Variants in SEPTIN8 observed in about 807,000 individuals in gnomAD.
SEPTIN8 encodes the protein septin 8.
Under a neutral mutation model 53.1 loss-of-function variants are expected in SEPTIN8, and 22 were observed. That is an observed-to-expected ratio of 0.41 (90% CI 0.30 to 0.59). SEPTIN8 has a LOEUF of 0.59. SEPTIN8 is among the 20% of genes least tolerant of loss of function. The probability of loss-of-function intolerance (pLI) is 0.24; values close to 1 mark genes in which losing one functional copy is unlikely to be tolerated. For synonymous variants in SEPTIN8, 228 were observed against 248.4 expected, an observed-to-expected ratio of 0.92 and a Z score of 0.77; for missense variants, 536 against 638.7, an observed-to-expected ratio of 0.84 and a Z score of 1.73.
At chr5:132,766,818 C>G (rs998603513) in intron 1 of SEPTIN8, among the ~76,000 whole-genome samples, 1 of 152,168 alleles carries the variant, frequency 6.6e-6, no homozygotes, top group Admixed American at 6.5e-5. Context: ...AGCATCTCCT[C>G]AGCACCTGAG....
intron 9 of SEPTIN8, chr5:132,754,350 C>T: frequency 2.8e-6 from 2 of 713,960 alleles, no homozygotes; most frequent in South Asian, 3.0e-5. Flanking sequence ...CCCTCTGCCT[C>T]CTTCCTTCCA....
At chr5:132,764,477 C>T in intron 2 of SEPTIN8, 58 bp from the exon 3 acceptor site, 2 of 1,459,072 alleles carry the variant, frequency 1.4e-6, no homozygotes, top group Non-Finnish European at 1.9e-6. Context: ...AATGGGCTGT[C>T]CTTGACTGGT....
chr5:132,778,034 G>A (rs1757942564), upstream of SEPTIN8: 8 of 985,492 alleles, frequency 8.1e-6, no homozygotes, highest in South Asian at 4.7e-5. Context: ...GTGCGTGCAC[G>A]TTCTCTCCGC....
At position 132,776,741 on chromosome 5, in the gene SEPTIN8, A is replaced by G. The variant is rs30517; in HGVS notation, c.30+367T>C. On this transcript the variant is annotated intron_variant, in intron 1 of 9. Coordinates refer to ENST00000378719, the MANE Select transcript of SEPTIN8 (RefSeq NM_001098811.2). The surrounding 1 kb of genome is among the most constrained non-coding windows in gnomAD (Gnocchi z 4.4). ...CTAGGACTCTTCCCCAAGTGTGCAG[A>G]AAGAAACACCCTGGGCGATAGGGTC... Among the ~76,000 whole-genome samples, 55,218 of 152,080 alleles carry G rather than the reference A, an allele frequency of 0.36. 16,840 individuals are homozygous for G. Among genetic ancestry groups the G allele is most frequent in the African/African-American group, 0.8 (33,264 of 41,494 alleles).
intron 9 of SEPTIN8, among the ~76,000 whole-genome samples, chr5:132,755,359 C>A (rs1056143175): frequency 1.3e-5 from 2 of 152,182 alleles, no homozygotes; most frequent in South Asian, 4.1e-4. Flanking sequence ...CTCAGGTCCA[C>A]CAGCCCACAC....
In SEPTIN8 at chr5:132,763,711, T is replaced by G. The variant is rs1465545407; in HGVS notation, c.529A>C (p.Ser177Arg). 6.2e-7 allele frequency: 1 copy of G among 1,613,660 alleles called. No homozygotes were observed. The highest frequency in any genetic ancestry group is 8.5e-7 in the Non-Finnish European group (1 of 1,179,676). The change falls in exon 4 of 10, where the codon AGC becomes CGC. Residue 177 changes from serine to arginine, a missense_variant. Physicochemically the swap from Ser to Arg is moderately radical, Grantham distance 110. Coordinates refer to ENST00000378719, the MANE Select transcript of SEPTIN8 (RefSeq NM_001098811.2). ...LDLVTMKKLDSKVNIIPIIAK... is the reference protein window; with the variant it reads ...LDLVTMKKLDRKVNIIPIIAK... ...GCAGGTGGGGACAGGGATACCTTGC[T>G]GTCTAGTTTCTTCATGGTCACTAGA...
chr5:132,767,090 G>A (rs190160865), intron 1 of SEPTIN8, among the ~76,000 whole-genome samples: 5 of 152,044 alleles, frequency 3.3e-5, no homozygotes, highest in South Asian at 2.1e-4. Flanking sequence ...CTCTCTCAAC[G>A]GAGCCTCTTT....
chr5:132,757,632 C>T (rs1755466148), intron 9 of SEPTIN8: 1 of 985,262 alleles, frequency 1.0e-6, no homozygotes, highest in East Asian at 1.1e-4. Flanking sequence ...CACGGTGCTT[C>T]AACATTAAAA....
rs1757822540 is a variant in SEPTIN8, at chr5:132,776,629, A to C, written c.30+479T>G. ...AAGGGTCTTCAGGACTCAAGTCTGC[A>C]ACTGTCCTGGGCTCGTGTGGGAGAC... On this transcript the variant is annotated intron_variant, in intron 1 of 9. Coordinates refer to ENST00000378719, the MANE Select transcript of SEPTIN8 (RefSeq NM_001098811.2). The surrounding 1 kb of genome is among the most constrained non-coding windows in gnomAD (Gnocchi z 4.4). Among the ~76,000 whole-genome samples, 1 of 152,096 alleles carries C rather than the reference A, an allele frequency of 6.6e-6. No individual in the cohort carries two copies. The highest frequency in any genetic ancestry group is 1.5e-5 in the Non-Finnish European group (1 of 68,018).
intron 5 of SEPTIN8, among the ~76,000 whole-genome samples, 171 bp from the exon 6 acceptor site, chr5:132,762,067 A>G (rs939046100): frequency 6.6e-6 from 1 of 151,962 alleles, no homozygotes. Flanking sequence ...AACTCCAAAC[A>G]GGGGAGTGGG....
chr5:132,774,684 C>T (rs1757629176), intron 1 of SEPTIN8, among the ~76,000 whole-genome samples: 1 of 152,262 alleles, frequency 6.6e-6, no homozygotes, highest in South Asian at 2.1e-4. Context: ...CTCTGTATGC[C>T]GTCTAAGCTC....
intron 2 of SEPTIN8, among the ~76,000 whole-genome samples, chr5:132,764,908 G>T (rs896674918): frequency 6.6e-6 from 1 of 152,010 alleles, no homozygotes; most frequent in Non-Finnish European, 1.5e-5. Flanking sequence ...GCTGCTTCCC[G>T]AAGGACACCT....
chr5:132,764,454 G>A, intron 2 of SEPTIN8, 35 bp from the exon 3 acceptor site: 1 of 1,562,204 alleles, frequency 6.4e-7, no homozygotes, highest in Non-Finnish European at 8.7e-7. Flanking sequence ...AGAAGTGGGT[G>A]TCATAGGCTG....
In SEPTIN8 at chr5:132,776,430, C is replaced by T. The variant is rs572340667; in HGVS notation, c.30+678G>A. Reference sequence around the variant, plus strand: ...ACCAGGGACATCAACCTTCTGAGGACCTGGACTGGAGCCCAAATAAACGCC... The same window carrying T: ...ACCAGGGACATCAACCTTCTGAGGATCTGGACTGGAGCCCAAATAAACGCC... On this transcript the variant is annotated intron_variant, in intron 1 of 9. Transcript: ENST00000378719. The surrounding 1 kb of genome is among the most constrained non-coding windows in gnomAD (Gnocchi z 4.4). Among the ~76,000 whole-genome samples the T allele has an allele frequency of 1.8e-3, 273 of 152,364 alleles. 1 individual carries two copies. The highest frequency in any genetic ancestry group is 3.4e-3 in the Middle Eastern group (1 of 294).
upstream of SEPTIN8, chr5:132,778,136 T>C: frequency 1.1e-6 from 1 of 943,728 alleles, no homozygotes; most frequent in Non-Finnish European, 1.3e-6. Flanking sequence ...TGACAATCTA[T>C]ACAAAAGCAG....
chr5:132,764,079 G>C (rs1456673978), intron 3 of SEPTIN8, 145 bp downstream of exon 3: 2 of 963,532 alleles, frequency 2.1e-6, no homozygotes, highest in East Asian at 2.5e-5. Flanking sequence ...AGGAGTAACT[G>C]GTCTGTTGGT....
chr5:132,751,073 G>A lies in SEPTIN8; in HGVS notation c.*943C>T. On this transcript the variant is annotated 3_prime_UTR_variant, in exon 10 of 10. Transcript: ENST00000378719. ...GGAACAGCTGTTTACAACATGGGAT[G>A]GCAAAGCACAGGCGTGCACACGCCC... The A allele has an allele frequency of 6.4e-7, 1 of 1,557,990 alleles. No homozygotes were observed. Among genetic ancestry groups the A allele is most frequent in the Non-Finnish European group, 8.7e-7 (1 of 1,144,120 alleles).
intron 1 of SEPTIN8, among the ~76,000 whole-genome samples, chr5:132,775,100 C>T (rs1427957249): frequency 2.0e-5 from 3 of 152,172 alleles, no homozygotes; most frequent in Admixed American, 6.5e-5. Context: ...CAAGGCCCTG[C>T]GCTCAGGCTC....
Position 132,761,005 on chromosome 5 carries a change from AG to A in SEPTIN8, c.1096-14del. ...ACTTCTCATGGAGCTGGCATCAGAA[AG>A]GGGGCAGAAGATGCGGGGAGCAAGA... On this transcript the variant is annotated splice_polypyrimidine_tract_variant and intron_variant, in intron 8 of 9. Transcript: ENST00000378719. The surrounding 1 kb of genome is among the most constrained non-coding windows in gnomAD (Gnocchi z 5.8). The A allele has an allele frequency of 6.3e-7, 1 of 1,580,526 alleles. No individual in the cohort carries two copies. The highest frequency in any genetic ancestry group is 8.6e-7 in the Non-Finnish European group (1 of 1,163,170).
Sources: gnomAD v4.1 joint callset for allele counts (sites outside exome capture counted in the v4.1 genomes callset) on GRCh38, gnomAD v4.1.1 for gene constraint, Gnocchi (gnomAD v3.1) non-coding constraint, MANE v1.5 for transcripts, NCBI Gene and HGNC (gene_info 2026-07-23, HGNC 2026-07-21) for gene names.